ZNF280D: variants seen among roughly 807,000 people sequenced by gnomAD.
The protein encoded by ZNF280D is suppressor of hairy wing homolog 4.
ZNF280D carries 39 observed loss-of-function variants against 94.7 expected under a neutral mutation model. The observed-to-expected ratio is 0.41, with a 90% CI of 0.32 to 0.54. The LOEUF (loss-of-function observed/expected upper bound fraction) is 0.54, where lower values mean the gene tolerates loss of function less well. Ranked by LOEUF, ZNF280D falls within the 20% of genes least tolerant of loss-of-function variation. The pLI is 0.22. For missense variants in ZNF280D, 1,090 were observed against 1,149.3 expected, an observed-to-expected ratio of 0.95 and a Z score of 0.75; for synonymous variants, 398 against 377.6, an observed-to-expected ratio of 1.05 and a Z score of -0.63.
chr15:56,636,543 G>A (rs779675005), intron 20 of ZNF280D, among the ~76,000 whole-genome samples: 2 of 149,498 alleles, frequency 1.3e-5, no homozygotes, highest in East Asian at 2.0e-4. Flanking sequence ...GAGTGCAGTG[G>A]TATGATCTCA....
intron 9 of ZNF280D, among the ~76,000 whole-genome samples, chr15:56,682,744 C>A (rs981715637): frequency 5.3e-5 from 8 of 151,908 alleles, no homozygotes; most frequent in Non-Finnish European, 1.0e-4. Flanking sequence ...AACAGCTTTA[C>A]CCTTGCAATT....
At chr15:56,643,759 G>A (rs1337236109) in intron 19 of ZNF280D, among the ~76,000 whole-genome samples, 1 of 151,818 alleles carries the variant, frequency 6.6e-6, no homozygotes, top group Non-Finnish European at 1.5e-5. Flanking sequence ...ATCTGTGTAA[G>A]TAGGGTACCT....
At chr15:56,685,481 C>T (rs112352165) in intron 9 of ZNF280D, among the ~76,000 whole-genome samples, 10 of 152,152 alleles carry the variant, frequency 6.6e-5, no homozygotes, top group Non-Finnish European at 1.5e-4. Flanking sequence ...CATAGATTGC[C>T]TCACAGTTCA....
intron 1 of ZNF280D, among the ~76,000 whole-genome samples, chr15:56,707,829 G>C (rs1169708300): frequency 2.0e-5 from 3 of 151,550 alleles, no homozygotes; most frequent in Non-Finnish European, 4.4e-5. Flanking sequence ...GGAAGGTAAT[G>C]TGCTAAGCTC....
intron 20 of ZNF280D, 121 bp downstream of exon 20, chr15:56,642,831 C>T: frequency 1.8e-6 from 1 of 548,544 alleles, no homozygotes; most frequent in Non-Finnish European, 3.0e-6. Context: ...TTTTTTTCTT[C>T]CTCACAACAT....
intron 1 of ZNF280D, among the ~76,000 whole-genome samples, chr15:56,707,886 T>C (rs2057510733): frequency 6.6e-6 from 1 of 151,714 alleles, no homozygotes; most frequent in South Asian, 2.1e-4. Context: ...ACTTCAGAAG[T>C]TTACAATCTA....
At chr15:56,718,166 G>A (rs1303064383) in intron 1 of ZNF280D, among the ~76,000 whole-genome samples, 1 of 151,486 alleles carries the variant, frequency 6.6e-6, no homozygotes, top group Admixed American at 6.6e-5. Flanking sequence ...CTTCATTTTT[G>A]AATTAGCAAT....
At chr15:56,664,582 C>A (rs1023884803) in intron 16 of ZNF280D, among the ~76,000 whole-genome samples, 9 of 151,892 alleles carry the variant, frequency 5.9e-5, no homozygotes, top group Non-Finnish European at 1.3e-4. Context: ...AAAAGGATGA[C>A]CTACAATTGA....
intron 1 of ZNF280D, among the ~76,000 whole-genome samples, chr15:56,725,728 C>T (rs1422398254): frequency 2.6e-5 from 4 of 151,826 alleles, no homozygotes; most frequent in Non-Finnish European, 5.9e-5. Context: ...AGCTAAATTA[C>T]TATGCTAGCT....
At chr15:56,655,295 C>A (rs575699281) in intron 17 of ZNF280D, among the ~76,000 whole-genome samples, 4 of 152,326 alleles carry the variant, frequency 2.6e-5, no homozygotes, top group African/African-American at 9.6e-5. Flanking sequence ...GCAACCTCCA[C>A]CTCCTGGGTT....
chr15:56,709,551 C>G (rs1054125319), intron 1 of ZNF280D, among the ~76,000 whole-genome samples: 3 of 152,168 alleles, frequency 2.0e-5, no homozygotes, highest in Non-Finnish European at 4.4e-5. Flanking sequence ...TATAAAGACA[C>G]ATGCACACGT....
At chr15:56,647,751 G>A (rs1227316792) in intron 19 of ZNF280D, among the ~76,000 whole-genome samples, 4 of 151,962 alleles carry the variant, frequency 2.6e-5, no homozygotes, top group East Asian at 1.9e-4. Flanking sequence ...GGCTGGTCTC[G>A]AACTCTTGAG....
intron 1 of ZNF280D, among the ~76,000 whole-genome samples, chr15:56,716,514 A>C (rs1596646591): frequency 1.3e-5 from 2 of 152,002 alleles, no homozygotes; most frequent in South Asian, 2.1e-4. Flanking sequence ...CTGAAAAAAA[A>C]AAAAAAAAGC....
intron 5 of ZNF280D, 39 bp from the exon 6 acceptor site, chr15:56,701,111 T>C (rs1596559592): frequency 3.1e-6 from 5 of 1,611,960 alleles, no homozygotes; most frequent in Non-Finnish European, 4.2e-6. Context: ...AAATTATTTG[T>C]ACATAATCAA....
At chr15:56,724,893 A>T in intron 1 of ZNF280D, 1 of 453,992 alleles carries the variant, frequency 2.2e-6, no homozygotes. Flanking sequence ...TTTCTCATGG[A>T]ATGTAAGAAA....
chr15:56,693,383 C>T (rs2056538210), intron 6 of ZNF280D, among the ~76,000 whole-genome samples, 168 bp from the exon 7 acceptor site: 1 of 151,468 alleles, frequency 6.6e-6, no homozygotes, highest in Non-Finnish European at 1.5e-5. Flanking sequence ...TTTGATAACT[C>T]AATTATTAAT....
chr15:56,680,578 G>A (rs1275337670), intron 10 of ZNF280D, among the ~76,000 whole-genome samples: 2 of 150,034 alleles, frequency 1.3e-5, no homozygotes, highest in Non-Finnish European at 1.5e-5. Context: ...CCAGACTCAA[G>A]CGATCCTCCC....
intron 6 of ZNF280D, chr15:56,699,880 T>C (rs1181092753): frequency 6.5e-6 from 1 of 152,726 alleles, no homozygotes. Context: ...AACTGGGTAA[T>C]ACTCAGTTGA....
At chr15:56,678,007 CTTT>C (rs1198357496) in intron 11 of ZNF280D, among the ~76,000 whole-genome samples, 6 of 137,170 alleles carry the variant, frequency 4.4e-5, no homozygotes, top group Admixed American at 1.5e-4. Context: ...AATTTTCTTT[CTTT>C]TTTTTTTTTT....
Sources: allele counts gnomAD v4.1 joint callset (sites outside exome capture counted in the v4.1 genomes callset), GRCh38; gene constraint gnomAD v4.1.1; transcripts MANE v1.5; gene names NCBI Gene and HGNC (gene_info 2026-07-23, HGNC 2026-07-21).